ZBTB45: variants seen among roughly 807,000 people sequenced by gnomAD.
ZBTB45 encodes zinc finger and BTB domain containing 45.
ZBTB45 carries 22 observed loss-of-function variants against 28.4 expected under a neutral mutation model. The ratio of observed to expected loss-of-function variants is 0.77; its 90% confidence interval spans 0.55 to 1.10. The LOEUF (loss-of-function observed/expected upper bound fraction) is 1.10, where lower values mean the gene tolerates loss of function less well. Among genes scored for constraint, ZBTB45 ranks in the 50% least tolerant of loss-of-function variants. The pLI, the probability that ZBTB45 is intolerant of heterozygous loss-of-function variation, is 0.00. For missense variants in ZBTB45, 656 were observed against 750.2 expected (o/e 0.87, Z 1.47); for synonymous variants, 361 against 332.3 (o/e 1.09, Z -0.94).
intron 1 of ZBTB45, among the ~76,000 whole-genome samples, chr19:58,528,531 G>GGGCGGATCACCTGAGATC (rs1200808767): frequency 6.6e-6 from 1 of 151,694 alleles, no homozygotes; most frequent in East Asian, 1.9e-4. Context: ...AGGCTGAGGT[G>GGGCGGATCACCTGAGATC]GGCGGATCAC....
At position 58,516,282 on chromosome 19, in the gene ZBTB45, G is replaced by A. The variant is rs980941290; in HGVS notation, c.1279+113C>T. 3 of 1,373,050 alleles carry A rather than the reference G, an allele frequency of 2.2e-6. No homozygotes were observed. The highest frequency in any genetic ancestry group is 2.0e-4 in the Middle Eastern group (1 of 4,968). 85.1% of individuals were successfully genotyped at this position (1,373,050 alleles called of 1,614,324 possible). A position where few individuals can be genotyped will look rare whatever the true frequency, so the allele number is the denominator to read the frequency against. On this transcript the variant is annotated intron_variant, in intron 2 of 2. Transcript: ENST00000594051. This position sits in a 1 kb window ranked among gnomAD's most constrained non-coding sequence, Gnocchi z 6.2. Reference sequence around the variant, plus strand: ...GGAAGGCTCAATTTCTAGGCCCCCTGCTAACCAAAAGTAACAGAACAGTGC... The same window carrying A: ...GGAAGGCTCAATTTCTAGGCCCCCTACTAACCAAAAGTAACAGAACAGTGC...
Position 58,514,221 on chromosome 19 carries a change from G to C in ZBTB45, c.1369C>G (p.Arg457Gly). 1 of 1,612,484 alleles carries C rather than the reference G, an allele frequency of 6.2e-7. No individual in the cohort carries two copies. Among genetic ancestry groups the C allele is most frequent in the Non-Finnish European group, 8.5e-7 (1 of 1,179,610 alleles). ...LKHMVTHTGVRAFQCAVCAKR... is the reference protein window; with the variant it reads ...LKHMVTHTGVGAFQCAVCAKR... ...GCGCAGACGGCGCACTGGAAGGCGC[G>C]CACGCCGGTGTGCGTGACCATGTGT... Residue 457 changes from arginine to glycine, a missense_variant, in exon 3 of 3, where the codon CGC becomes GGC. Around this residue, in one of 3 missense-constraint regions of ZBTB45, gnomAD observed 103 missense variants for 153.5 expected, o/e 0.67. Transcript: ENST00000594051.
intron 2 of ZBTB45, 124 bp from the exon 3 acceptor site, chr19:58,514,434 C>T: frequency 7.3e-6 from 9 of 1,239,240 alleles, no homozygotes; most frequent in Non-Finnish European, 8.7e-6. Flanking sequence ...CGAACCACCA[C>T]CCCGGGATCC....
At chr19:58,534,002 G>A (rs1351041330) in intron 1 of ZBTB45, among the ~76,000 whole-genome samples, 4 of 152,232 alleles carry the variant, frequency 2.6e-5, no homozygotes, top group Non-Finnish European at 5.9e-5. Flanking sequence ...AGCCCCATGT[G>A]TTTTATGGGT....
In ZBTB45 at chr19:58,517,608, G is replaced by A. The variant is rs201481331; in HGVS notation, c.66C>T (p.Thr22=). The A allele has an allele frequency of 6.2e-7, 1 of 1,613,916 alleles. No individual in the cohort carries two copies. The highest frequency in any genetic ancestry group is 1.6e-4 in the Middle Eastern group (1 of 6,062). ...LQNFSRSLLE[T]LNGQRLGGHF... ...GTCCCCCAAGCCTCTGCCCATTGAG[G>A]GTCTCAAGCAGAGAGCGTGAGAAGT... is the stretch of plus-strand genomic sequence containing the variant. Residue 22 remains threonine, a synonymous_variant, in exon 2 of 3, where the codon ACC becomes ACT. Coordinates refer to ENST00000594051, the MANE Select transcript of ZBTB45 (RefSeq NM_001316979.2).
intron 1 of ZBTB45, among the ~76,000 whole-genome samples, chr19:58,518,011 C>T (rs1480357338): frequency 6.7e-6 from 1 of 149,388 alleles, no homozygotes; most frequent in Admixed American, 6.7e-5. Flanking sequence ...CTCACCCACC[C>T]ACCCCACCCC....
chr19:58,524,952 G>A (rs895946743), intron 1 of ZBTB45, among the ~76,000 whole-genome samples: 1 of 152,144 alleles, frequency 6.6e-6, no homozygotes, highest in Admixed American at 6.5e-5. Context: ...TGGCCATTGA[G>A]GGAAGAGTCT....
At chr19:58,527,448 T>A (rs1205149370) in intron 1 of ZBTB45, among the ~76,000 whole-genome samples, 3 of 152,186 alleles carry the variant, frequency 2.0e-5, no homozygotes, top group Admixed American at 6.5e-5. Flanking sequence ...TCCCCATGAA[T>A]CTGTCCATGG....
chr19:58,536,465 CAA>C (rs768760907), intron 1 of ZBTB45, among the ~76,000 whole-genome samples: 9,601 of 75,996 alleles, frequency 0.13, 487 homozygotes, highest in East Asian at 0.41. Flanking sequence ...GACGCCGTCT[CAA>C]AAAAAAAAAA....
At chr19:58,524,435 A>ATGTGTG (rs56704623), upstream of ZBTB45, among the ~76,000 whole-genome samples, 6,348 of 138,200 alleles carry the variant, frequency 0.046, 348 homozygotes, top group African/African-American at 0.12. Flanking sequence ...GTGTTCATAT[A>ATGTGTG]TGTGTGTGTG....
intron 1 of ZBTB45, among the ~76,000 whole-genome samples, chr19:58,531,384 G>A (rs1319549105): frequency 6.6e-6 from 1 of 152,082 alleles, no homozygotes; most frequent in Non-Finnish European, 1.5e-5. Flanking sequence ...ACCCTAACGT[G>A]GGGCACTGAC....
upstream of ZBTB45, among the ~76,000 whole-genome samples, chr19:58,520,849 G>A (rs1568646918): frequency 1.3e-5 from 2 of 151,370 alleles, no homozygotes; most frequent in Non-Finnish European, 2.9e-5. Context: ...TCAGGAGATC[G>A]AGACCATCCT....
chr19:58,526,767 G>A (rs1361890162), intron 1 of ZBTB45, among the ~76,000 whole-genome samples: 3 of 148,912 alleles, frequency 2.0e-5, no homozygotes, highest in Non-Finnish European at 1.5e-5. Flanking sequence ...TCCTGACCTC[G>A]TGATCCGCCC....
chr19:58,517,738 T>C, intron 1 of ZBTB45, 65 bp from the exon 2 acceptor site: 2 of 1,468,410 alleles, frequency 1.4e-6, no homozygotes, highest in Non-Finnish European at 9.3e-7. Flanking sequence ...CCAACGTCCC[T>C]GTCCCCTCAC....
chr19:58,529,520 C>T (rs181228314), intron 1 of ZBTB45, among the ~76,000 whole-genome samples: 34 of 152,320 alleles, frequency 2.2e-4, no homozygotes, highest in Middle Eastern at 3.4e-3. Flanking sequence ...AAAACAATTT[C>T]CTCACTACAA....
intron 1 of ZBTB45, chr19:58,519,070 GTC>G (rs2053552363): frequency 2.6e-5 from 4 of 152,584 alleles, no homozygotes; most frequent in South Asian, 4.1e-4. Flanking sequence ...CCTGGCTGGT[GTC>G]TCTGCGCCCC....
intron 1 of ZBTB45, 63 bp from the exon 2 acceptor site, chr19:58,517,736 C>T: frequency 2.7e-6 from 4 of 1,475,232 alleles, no homozygotes; most frequent in Non-Finnish European, 3.7e-6. Context: ...TCCCAACGTC[C>T]CTGTCCCCTC....
At position 58,516,647 on chromosome 19, in the gene ZBTB45, C is replaced by T. The variant is rs773158376; in HGVS notation, c.1027G>A (p.Ala343Thr). ...PFHLGAPGPPAPPPSAPSGPA... is the reference protein window; with the variant it reads ...PFHLGAPGPPTPPPSAPSGPA... ...CCCGATGGTGCTGAAGGGGGTGGTG[C>T]GGGTGGCCCAGGGGCACCCAAGTGA... Residue 343 changes from alanine to threonine, a missense_variant, in exon 2 of 3, where the codon GCA becomes ACA. Around this residue, in one of 3 missense-constraint regions of ZBTB45, gnomAD observed 448 missense variants for 444.3 expected, o/e 1.01. Transcript: ENST00000594051. This position sits in a 1 kb window ranked among gnomAD's most constrained non-coding sequence, Gnocchi z 6.2. 2.8e-5 allele frequency: 43 copies of T among 1,559,782 alleles called. No individual in the cohort carries two copies. The highest frequency in any genetic ancestry group is 1.1e-4 in the African/African-American group (8 of 73,670).
upstream of ZBTB45, among the ~76,000 whole-genome samples, chr19:58,523,804 G>T: frequency 7.5e-6 from 1 of 132,618 alleles, no homozygotes; most frequent in Non-Finnish European, 1.7e-5. Context: ...CCGAGTAGCT[G>T]GGACTACAGG....
Sources: gnomAD v4.1 joint callset for allele counts (sites outside exome capture counted in the v4.1 genomes callset) on GRCh38, gnomAD v4.1.1 for gene constraint, gnomAD v4.1.1 regional missense constraint, Gnocchi (gnomAD v3.1) non-coding constraint, MANE v1.5 for transcripts, NCBI Gene and HGNC (gene_info 2026-07-23, HGNC 2026-07-21) for gene names.